RORA: variants seen among roughly 807,000 people sequenced by gnomAD.
RORA encodes RAR related orphan receptor A.
In RORA, 7 loss-of-function variants were observed where a neutral mutation model predicts 69.5. The ratio of observed to expected loss-of-function variants is 0.10; its 90% CI spans 0.06 to 0.19. The LOEUF (loss-of-function observed/expected upper bound fraction) is 0.19. RORA is among the 10% of genes least tolerant of loss of function. The pLI, the probability that RORA is intolerant of heterozygous loss-of-function variation, is 1.00. For missense variants in RORA, 457 were observed against 663.0 expected (o/e 0.69, Z 3.41); for synonymous variants, 261 against 240.8 (o/e 1.08, Z -0.78).
At chr15:61,091,771 C>T (rs1042366336) in intron 1 of RORA, among the ~76,000 whole-genome samples, 6 of 152,138 alleles carry the variant, frequency 3.9e-5, no homozygotes, top group African/African-American at 1.4e-4. Context: ...GTATTTTATA[C>T]CCATCCATTA....
At chr15:61,228,372 A>G (rs1258446603) in intron 1 of RORA, among the ~76,000 whole-genome samples, 1 of 147,460 alleles carries the variant, frequency 6.8e-6, no homozygotes, top group Non-Finnish European at 1.5e-5. Flanking sequence ...CCGCCAGACA[A>G]CTTGGCGAAC....
At chr15:61,227,291 C>T (rs913984955) in intron 1 of RORA, among the ~76,000 whole-genome samples, 1 of 151,810 alleles carries the variant, frequency 6.6e-6, no homozygotes, top group Non-Finnish European at 1.5e-5. Context: ...ATAACCCGCT[C>T]GCATTCCAAA....
At chr15:60,513,112 G>A (rs1245121622) in intron 4 of RORA, among the ~76,000 whole-genome samples, 1 of 152,206 alleles carries the variant, frequency 6.6e-6, no homozygotes, top group Non-Finnish European at 1.5e-5. Context: ...TTCTTTTCTT[G>A]CCAAAGAGGA....
At chr15:60,544,378 G>A (rs1453382454) in intron 2 of RORA, among the ~76,000 whole-genome samples, 1 of 151,696 alleles carries the variant, frequency 6.6e-6, no homozygotes, top group Non-Finnish European at 1.5e-5. Context: ...GTTTAGGAAA[G>A]GAAATACAAT....
chr15:61,193,025 T>C (rs1476420321), intron 1 of RORA, among the ~76,000 whole-genome samples: 3 of 151,512 alleles, frequency 2.0e-5, no homozygotes, highest in Non-Finnish European at 2.9e-5. Context: ...TGAATAACAA[T>C]GAAACTCTAG....
Position 61,128,628 on chromosome 15 carries a change from G to A in RORA, c.166+100425C>T, listed in dbSNP as rs189687504. Among the ~76,000 whole-genome samples, 35 of 152,288 alleles carry A rather than the reference G, an allele frequency of 2.3e-4. No homozygotes were observed. The highest frequency in any genetic ancestry group is 5.3e-4 in the African/African-American group (22 of 41,546). On this transcript the variant is annotated intron_variant, in intron 1 of 10. Coordinates refer to ENST00000335670, the MANE Select transcript of RORA (RefSeq NM_134261.3). The surrounding 1 kb of genome is among the most constrained non-coding windows in gnomAD (Gnocchi z 4.5). ...ATTCCCATGGTTTTTCCAGCTTTAC[G>A]GAAGGGTTGAAATGTTCTTTCTCTG...
intron 2 of RORA, chr15:60,593,081 A>C: frequency 5.4e-6 from 2 of 370,600 alleles, no homozygotes; most frequent in South Asian, 3.9e-5. Flanking sequence ...AGCCACTGGG[A>C]CCGTCCGGGG....
chr15:60,954,321 T>C (rs1241644816), intron 1 of RORA, among the ~76,000 whole-genome samples: 13 of 143,572 alleles, frequency 9.1e-5, no homozygotes, highest in East Asian at 2.1e-4. Context: ...AGGGATAGCA[T>C]TGGGAGATAT....
intron 2 of RORA, among the ~76,000 whole-genome samples, chr15:60,638,557 A>C (rs76406767): frequency 0.028 from 4,265 of 152,170 alleles, 209 homozygotes; most frequent in African/African-American, 0.098. Context: ...GAAACACTAA[A>C]ACTCATCTCA....
chr15:61,136,936 T>A (rs1031261340), intron 1 of RORA, among the ~76,000 whole-genome samples: 1 of 151,560 alleles, frequency 6.6e-6, no homozygotes, highest in African/African-American at 2.4e-5. Flanking sequence ...TCTTTTGGCA[T>A]CCACTCATTC....
intron 1 of RORA, among the ~76,000 whole-genome samples, chr15:61,034,097 G>T (rs573668965): frequency 4.7e-4 from 71 of 152,170 alleles, no homozygotes; most frequent in Admixed American, 1.4e-3. Flanking sequence ...GACAGTCCTG[G>T]TCTAGAATGA....
chr15:61,088,893 C>T (rs2078663713), intron 1 of RORA, among the ~76,000 whole-genome samples: 1 of 152,182 alleles, frequency 6.6e-6, no homozygotes, highest in Non-Finnish European at 1.5e-5. Flanking sequence ...CTCCCAATCA[C>T]CCATGTCATC....
At chr15:60,802,108 A>G (rs577811757) in intron 1 of RORA, among the ~76,000 whole-genome samples, 1 of 152,298 alleles carries the variant, frequency 6.6e-6, no homozygotes, top group East Asian at 1.9e-4. Context: ...GGGTAAAAAC[A>G]GGCACCACTG....
chr15:60,789,664 G>A (rs1458936441), intron 1 of RORA, among the ~76,000 whole-genome samples: 1 of 152,216 alleles, frequency 6.6e-6, no homozygotes, highest in Non-Finnish European at 1.5e-5. Flanking sequence ...AGAAAGAATT[G>A]TAAAATATCT....
chr15:60,597,540 CACACACACA>C (rs2068697117), intron 2 of RORA, among the ~76,000 whole-genome samples: 3 of 63,496 alleles, frequency 4.7e-5, no homozygotes, highest in Non-Finnish European at 9.2e-5. Flanking sequence ...CACACACACA[CACACACACA>C]ACATATATAT....
At chr15:60,781,996 G>A (rs1456458178) in intron 1 of RORA, among the ~76,000 whole-genome samples, 1 of 152,222 alleles carries the variant, frequency 6.6e-6, no homozygotes, top group Non-Finnish European at 1.5e-5. Flanking sequence ...GGAGGCCGAC[G>A]AGGGCGGATC....
chr15:60,680,367 C>A (rs1328692458), intron 1 of RORA, among the ~76,000 whole-genome samples: 2 of 152,154 alleles, frequency 1.3e-5, no homozygotes, highest in East Asian at 3.8e-4. Flanking sequence ...TCTTGACATC[C>A]AAAGGCCTGA....
chr15:60,945,766 A>G (rs1284671944), intron 1 of RORA, among the ~76,000 whole-genome samples: 1 of 152,250 alleles, frequency 6.6e-6, no homozygotes, highest in Non-Finnish European at 1.5e-5. Flanking sequence ...CCCAGTGCAC[A>G]TGATGAGACC....
At chr15:60,807,045 C>T (rs1293035234) in intron 1 of RORA, among the ~76,000 whole-genome samples, 1 of 152,070 alleles carries the variant, frequency 6.6e-6, no homozygotes, top group African/African-American at 2.4e-5. Context: ...CAACATAGTA[C>T]TGGAAGTCCT....
Sources: allele counts gnomAD v4.1 joint callset (sites outside exome capture counted in the v4.1 genomes callset), GRCh38; gene constraint gnomAD v4.1.1; non-coding constraint Gnocchi (gnomAD v3.1); transcripts MANE v1.5; gene names NCBI Gene and HGNC (gene_info 2026-07-23, HGNC 2026-07-21).